The following POFUT3 variants were observed in gnomAD, a reference collection of about 807,000 sequenced individuals.
The protein encoded by POFUT3 is GDP-fucose protein O-fucosyltransferase 3.
At chr8:33,435,766 T>A in the POFUT3 span, among the ~76,000 whole-genome samples, 1 of 152,222 alleles carries the variant, frequency 6.6e-6, no homozygotes, top group South Asian at 2.1e-4. Context: ...TCTACCCACC[T>A]CGGCCTCCCA....
At chr8:33,453,292 A>G in the POFUT3 span, 4 of 1,614,212 alleles carry the variant, frequency 2.5e-6, no homozygotes, top group East Asian at 8.9e-5. Flanking sequence ...CATCTGCTCC[A>G]CATTGGCCTA....
chr8:33,466,565 G>A, the POFUT3 span, among the ~76,000 whole-genome samples: 1 of 152,134 alleles, frequency 6.6e-6, no homozygotes, highest in African/African-American at 2.4e-5. Flanking sequence ...GTAGATAGTA[G>A]TATTGTGACT....
the POFUT3 span, among the ~76,000 whole-genome samples, chr8:33,318,019 T>C: frequency 6.6e-6 from 1 of 152,112 alleles, no homozygotes; most frequent in Non-Finnish European, 1.5e-5. Context: ...AATGCCAATT[T>C]CAAAGAAATG....
At chr8:33,380,076 CACTATATAT>C in the POFUT3 span, among the ~76,000 whole-genome samples, 8 of 52,402 alleles carry the variant, frequency 1.5e-4, no homozygotes, top group African/African-American at 2.7e-4. Context: ...TATATATATA[CACTATATAT>C]ACTATATATA....
chr8:33,440,594 C>G, the POFUT3 span, among the ~76,000 whole-genome samples: 1 of 152,164 alleles, frequency 6.6e-6, no homozygotes, highest in Admixed American at 6.6e-5. Context: ...TATCCCAAAT[C>G]ATAACTATTA....
the POFUT3 span, among the ~76,000 whole-genome samples, chr8:33,382,182 C>T: frequency 1.3e-5 from 2 of 152,048 alleles, no homozygotes; most frequent in East Asian, 1.9e-4. Context: ...GTCCCAGCTA[C>T]TCGGGAGTCT....
At chr8:33,462,609 T>G in the POFUT3 span, among the ~76,000 whole-genome samples, 1 of 152,192 alleles carries the variant, frequency 6.6e-6, no homozygotes, top group Non-Finnish European at 1.5e-5. Context: ...CTGAAATGAA[T>G]GATCTTTTCA....
chr8:33,346,057 T>G, the POFUT3 span, among the ~76,000 whole-genome samples: 1 of 151,574 alleles, frequency 6.6e-6, no homozygotes, highest in Admixed American at 6.6e-5. Context: ...ACGCCCATCT[T>G]CAGGTGATCC....
At chr8:33,472,575 T>G in the POFUT3 span, among the ~76,000 whole-genome samples, 3 of 152,250 alleles carry the variant, frequency 2.0e-5, no homozygotes, top group African/African-American at 7.2e-5. Context: ...AAGTCACAGT[T>G]GCTACGACTT....
chr8:33,432,185 A>G, the POFUT3 span, among the ~76,000 whole-genome samples: 2 of 152,032 alleles, frequency 1.3e-5, 1 homozygote, highest in South Asian at 4.1e-4. Context: ...CGAGGTGGGC[A>G]GATCACATGA....
the POFUT3 span, among the ~76,000 whole-genome samples, chr8:33,468,647 T>A: frequency 6.6e-6 from 1 of 152,186 alleles, no homozygotes; most frequent in Non-Finnish European, 1.5e-5. Context: ...TTTAAGTACC[T>A]CCTTTCAACT....
At chr8:33,360,410 C>T in the POFUT3 span, among the ~76,000 whole-genome samples, 5,965 of 150,552 alleles carry the variant, frequency 0.04, 226 homozygotes, top group East Asian at 0.11. Context: ...GGTGCCACCG[C>T]GCTCCAGCCT....
At chr8:33,324,769 G>T in the POFUT3 span, among the ~76,000 whole-genome samples, 1 of 143,352 alleles carries the variant, frequency 7.0e-6, no homozygotes, top group Non-Finnish European at 1.5e-5. Context: ...CAGCACCATC[G>T]CCTATGTAAT....
At chr8:33,382,343 C>T in the POFUT3 span, among the ~76,000 whole-genome samples, 1 of 151,946 alleles carries the variant, frequency 6.6e-6, no homozygotes, top group African/African-American at 2.4e-5. Context: ...ACTAGACACA[C>T]ACTTTTAATT....
chr8:33,454,765 C>G, the POFUT3 span, among the ~76,000 whole-genome samples: 4 of 151,164 alleles, frequency 2.6e-5, no homozygotes, highest in African/African-American at 9.7e-5. Context: ...CTCCCAGGTT[C>G]AAGTGATTCT....
the POFUT3 span, among the ~76,000 whole-genome samples, chr8:33,411,666 G>A: frequency 1.3e-5 from 2 of 152,284 alleles, no homozygotes; most frequent in East Asian, 1.9e-4. Context: ...ACACATGCCT[G>A]TAATCCCAGC....
At chr8:33,363,848 G>A in the POFUT3 span, among the ~76,000 whole-genome samples, 4 of 152,138 alleles carry the variant, frequency 2.6e-5, no homozygotes, top group East Asian at 7.7e-4. Context: ...GGTACAAGGA[G>A]GAGCTAGTAC....
the POFUT3 span, among the ~76,000 whole-genome samples, chr8:33,379,864 T>TATAA: frequency 6.0e-4 from 74 of 123,986 alleles, no homozygotes; most frequent in African/African-American, 2.4e-3. Flanking sequence ...TATATATATA[T>TATAA]AATATATATA....
chr8:33,387,873 G>C, the POFUT3 span, among the ~76,000 whole-genome samples: 1 of 152,192 alleles, frequency 6.6e-6, no homozygotes, highest in Non-Finnish European at 1.5e-5. Flanking sequence ...GCACAGCAAT[G>C]ATGGGTGATA....
Sources: allele counts gnomAD v4.1 joint callset (sites outside exome capture counted in the v4.1 genomes callset), GRCh38; gene constraint gnomAD v4.1.1; transcripts MANE v1.5; gene names NCBI Gene and HGNC (gene_info 2026-07-23, HGNC 2026-07-21).